PRKN: variants seen among roughly 807,000 people sequenced by gnomAD.
PRKN encodes parkin RBR E3 ubiquitin protein ligase, also known as E3 ubiquitin-protein ligase parkin.
Under a neutral mutation model 59.5 loss-of-function variants are expected in PRKN, and 56 were observed. The ratio of observed to expected loss-of-function variants is 0.94; its 90% CI spans 0.76 to 1.18. The LOEUF is 1.18. Ranked by LOEUF, PRKN falls within the 50% of genes most tolerant of loss-of-function variation. PRKN has a pLI of 0.00. For missense variants in PRKN, 657 were observed against 596.4 expected, an observed-to-expected ratio of 1.10 and a Z score of -1.06; for synonymous variants, 250 against 222.1, an observed-to-expected ratio of 1.13 and a Z score of -1.12.
chr6:162,180,488 T>A (rs755529874), intron 4 of PRKN, among the ~76,000 whole-genome samples: 33 of 152,120 alleles, frequency 2.2e-4, no homozygotes, highest in Non-Finnish European at 4.4e-4. Context: ...ACTATAAACA[T>A]ATGTGTTTAC....
chr6:161,747,861 A>C (rs1788498252), intron 7 of PRKN, among the ~76,000 whole-genome samples: 1 of 152,244 alleles, frequency 6.6e-6, no homozygotes, highest in South Asian at 2.1e-4. Flanking sequence ...CGTAGTTAAC[A>C]AACGTATCTT....
At chr6:161,860,323 G>A (rs1009182784) in intron 6 of PRKN, among the ~76,000 whole-genome samples, 1 of 152,092 alleles carries the variant, frequency 6.6e-6, no homozygotes, top group Non-Finnish European at 1.5e-5. Flanking sequence ...CCCTTTCTTT[G>A]GGTAAGTGTG....
intron 6 of PRKN, among the ~76,000 whole-genome samples, chr6:161,837,314 TGAAA>T (rs1792798831): frequency 6.6e-6 from 1 of 151,718 alleles, no homozygotes; most frequent in African/African-American, 2.4e-5. Context: ...TTTAGAAAAA[TGAAA>T]GAGAGAAGAG....
chr6:161,408,623 A>C (rs997852145), intron 9 of PRKN, among the ~76,000 whole-genome samples: 1 of 151,868 alleles, frequency 6.6e-6, no homozygotes, highest in African/African-American at 2.4e-5. Flanking sequence ...GGGGTCGGCG[A>C]GGCTGATACC....
intron 9 of PRKN, among the ~76,000 whole-genome samples, chr6:161,422,481 G>A (rs892473908): frequency 6.6e-6 from 1 of 152,152 alleles, no homozygotes; most frequent in African/African-American, 2.4e-5. Context: ...TTACAGGCAT[G>A]AGCCACTGTG....
intron 1 of PRKN, among the ~76,000 whole-genome samples, chr6:162,705,727 A>C (rs1366994251): frequency 6.6e-6 from 1 of 152,206 alleles, no homozygotes; most frequent in Non-Finnish European, 1.5e-5. Flanking sequence ...GGGAGAATTC[A>C]GGTTCAATTT....
intron 6 of PRKN, among the ~76,000 whole-genome samples, chr6:161,868,245 C>A (rs188281258): frequency 2.7e-5 from 4 of 149,298 alleles, no homozygotes; most frequent in African/African-American, 1.0e-4. Flanking sequence ...AATTATAAGA[C>A]GCAAGATCCT....
chr6:162,483,292 G>A (rs1387977810), intron 1 of PRKN, among the ~76,000 whole-genome samples: 1 of 152,144 alleles, frequency 6.6e-6, no homozygotes, highest in East Asian at 1.9e-4. Context: ...AAGCGGGGAT[G>A]GATTCTTTGG....
intron 5 of PRKN, among the ~76,000 whole-genome samples, chr6:161,996,368 C>A (rs1781841947): frequency 6.6e-6 from 1 of 152,124 alleles, no homozygotes; most frequent in Non-Finnish European, 1.5e-5. Context: ...ATTGAACTGA[C>A]CCAAATAAAA....
chr6:162,654,999 C>A (rs1778587877), intron 1 of PRKN, among the ~76,000 whole-genome samples: 1 of 151,976 alleles, frequency 6.6e-6, no homozygotes, highest in Non-Finnish European at 1.5e-5. Context: ...TTTAATTAAA[C>A]CCCAATATGA....
At chr6:162,184,242 T>C (rs921882572) in intron 4 of PRKN, among the ~76,000 whole-genome samples, 2 of 152,296 alleles carry the variant, frequency 1.3e-5, no homozygotes, top group African/African-American at 4.8e-5. Context: ...ACTGATTGCA[T>C]AATAGGAGGC....
chr6:161,863,182 A>G (rs1583264420), intron 6 of PRKN, among the ~76,000 whole-genome samples: 2 of 150,840 alleles, frequency 1.3e-5, no homozygotes, highest in Non-Finnish European at 2.9e-5. Context: ...TCACTAAAGA[A>G]CATTCAATTT....
In PRKN at chr6:161,378,835, C is replaced by T. The variant is rs1785843912; in HGVS notation, c.1167+7959G>A. ...GGGTGTGTCTCCAGCAGGTAGAACGCAATGGTTCAGGAATCAAGGGGTGGA... is the reference window on the plus strand; with the variant it reads ...GGGTGTGTCTCCAGCAGGTAGAACGTAATGGTTCAGGAATCAAGGGGTGGA... On this transcript the variant is annotated intron_variant, in intron 10 of 11. Transcript: ENST00000366898. This position sits in a 1 kb window ranked among gnomAD's most constrained non-coding sequence, Gnocchi z 7.3. 6.6e-6 allele frequency among the ~76,000 whole-genome samples: 1 copy of T among 152,160 alleles called. No individual in the cohort carries two copies. The highest frequency in any genetic ancestry group is 6.5e-5 in the Admixed American group (1 of 15,280).
At chr6:162,184,524 G>A (rs188061551) in intron 4 of PRKN, among the ~76,000 whole-genome samples, 22 of 152,228 alleles carry the variant, frequency 1.4e-4, no homozygotes, top group African/African-American at 2.6e-4. Context: ...TTCTCCCTTC[G>A]TGCGGTTCTC....
At chr6:161,950,107 T>C (rs1358446590) in intron 6 of PRKN, among the ~76,000 whole-genome samples, 1 of 152,210 alleles carries the variant, frequency 6.6e-6, no homozygotes, top group Non-Finnish European at 1.5e-5. Flanking sequence ...AAGCCAACAG[T>C]GGCAGGCTCT....
chr6:162,521,179 AT>A (rs1778067926), intron 1 of PRKN, among the ~76,000 whole-genome samples: 1 of 152,164 alleles, frequency 6.6e-6, no homozygotes, highest in Admixed American at 6.5e-5. Context: ...TCTTCTATTC[AT>A]CATTTTGATT....
intron 9 of PRKN, among the ~76,000 whole-genome samples, chr6:161,540,738 G>A (rs901399343): frequency 3.5e-4 from 54 of 152,224 alleles, no homozygotes; most frequent in African/African-American, 1.3e-3. Flanking sequence ...CAGAGTTTAG[G>A]AAATGCTGAG....
At chr6:162,012,064 G>T (rs1782748338) in intron 5 of PRKN, among the ~76,000 whole-genome samples, 1 of 152,040 alleles carries the variant, frequency 6.6e-6, no homozygotes, top group Non-Finnish European at 1.5e-5. Flanking sequence ...TAAATACAGG[G>T]TCTTCAACAA....
intron 5 of PRKN, among the ~76,000 whole-genome samples, chr6:162,018,121 G>T (rs887244709): frequency 6.6e-6 from 1 of 152,144 alleles, no homozygotes; most frequent in East Asian, 1.9e-4. Flanking sequence ...CCACCTCCTG[G>T]GTTCACGCCA....
Sources: gnomAD v4.1 joint callset for allele counts (sites outside exome capture counted in the v4.1 genomes callset) on GRCh38, gnomAD v4.1.1 for gene constraint, Gnocchi (gnomAD v3.1) non-coding constraint, MANE v1.5 for transcripts, NCBI Gene and HGNC (gene_info 2026-07-23, HGNC 2026-07-21) for gene names.